The following TTC7A variants were observed in gnomAD, a reference collection of about 807,000 sequenced individuals.
The protein encoded by TTC7A is tetratricopeptide repeat protein 7A.
A neutral mutation model predicts 103.7 loss-of-function variants in TTC7A; 110 were observed. The ratio of observed to expected loss-of-function variants is 1.06; its 90% CI spans 0.91 to 1.24. TTC7A has a LOEUF of 1.24. TTC7A is among the 50% of genes most tolerant of loss of function. The pLI is 0.00. For missense variants in TTC7A, 1,340 were observed against 1,116.3 expected, an observed-to-expected ratio of 1.20 and a Z score of -2.86; for synonymous variants, 521 against 467.9, an observed-to-expected ratio of 1.11 and a Z score of -1.47.
At chr2:46,971,992 A>G (rs1572769246) in intron 3 of TTC7A, among the ~76,000 whole-genome samples, 4 of 151,490 alleles carry the variant, frequency 2.6e-5, no homozygotes, top group South Asian at 2.1e-4. Context: ...GGGAGGGAGG[A>G]AGGAAGGAAG....
chr2:47,039,558 T>A (rs1388842446), intron 15 of TTC7A, among the ~76,000 whole-genome samples: 1 of 152,274 alleles, frequency 6.6e-6, no homozygotes, highest in Non-Finnish European at 1.5e-5. Context: ...TAACTATTTT[T>A]TTTTAAGTTT....
chr2:46,985,010 G>A (rs1674866055), intron 5 of TTC7A, among the ~76,000 whole-genome samples: 1 of 152,142 alleles, frequency 6.6e-6, no homozygotes, highest in South Asian at 2.1e-4. Flanking sequence ...CTCCTTGCAG[G>A]TGGTCCCACC....
At chr2:47,050,150 C>A in intron 17 of TTC7A, 104 bp downstream of exon 17, 6 of 970,272 alleles carry the variant, frequency 6.2e-6, no homozygotes, top group Non-Finnish European at 9.6e-6. Context: ...CCCAGCCGGG[C>A]CAAGCCCACC....
At chr2:46,996,747 G>A (rs1197443199) in intron 8 of TTC7A, among the ~76,000 whole-genome samples, 1 of 152,208 alleles carries the variant, frequency 6.6e-6, no homozygotes, top group Non-Finnish European at 1.5e-5. Context: ...GAGATACAGG[G>A]ACCATGTGCC....
At chr2:47,072,130 G>A (rs1435765355) in intron 19 of TTC7A, among the ~76,000 whole-genome samples, 4 of 152,212 alleles carry the variant, frequency 2.6e-5, no homozygotes, top group African/African-American at 9.6e-5. Flanking sequence ...AGCTAGGCCT[G>A]GTGCCCTGCT....
chr2:46,990,229 G>C (rs1675489290), intron 5 of TTC7A, among the ~76,000 whole-genome samples: 1 of 152,270 alleles, frequency 6.6e-6, no homozygotes. Context: ...GCTGCAGTCT[G>C]TCTTTTTCCT....
In TTC7A at chr2:47,024,325, T is replaced by G. The variant is rs774241282; in HGVS notation, c.1607T>G (p.Leu536Arg). The G allele has an allele frequency of 6.2e-7, 1 of 1,609,298 alleles. No homozygotes were observed. Among genetic ancestry groups the G allele is most frequent in the Admixed American group, 1.7e-5 (1 of 59,566 alleles). Residue 536 changes from leucine (L) to arginine (R), a missense_variant, in exon 14 of 20, where the codon CTC becomes CGC. Physicochemically the swap from Leu to Arg is moderately radical, Grantham distance 102. Coordinates refer to ENST00000319190, the MANE Select transcript of TTC7A (RefSeq NM_020458.4). ...QLAPSDPQVI[L>R]YVSLQLALVR... ...GCGCCCAGTGACCCCCAGGTCATCC[T>G]CTATGTCTCGCTGCAGCTGGCCCTC...
intron 2 of TTC7A, among the ~76,000 whole-genome samples, chr2:46,921,842 G>A (rs2103805346): frequency 6.6e-6 from 1 of 152,218 alleles, no homozygotes; most frequent in South Asian, 2.1e-4. Flanking sequence ...TCGCGTTCCT[G>A]TGAGAATCTC....
rs1323254949 is a variant in TTC7A at position 47,007,541 on chromosome 2, CT to C, written c.1287+818del. ...GGGGCTGAGGGAATTCCTCGCCCCC[CT>C]GGCCCATCTGTGCCACGTTCCATTT... On this transcript the variant is annotated intron_variant, in intron 10 of 19. Transcript: ENST00000319190. This position sits in a 1 kb window ranked among gnomAD's most constrained non-coding sequence, Gnocchi z 4.9. 6.6e-6 allele frequency among the ~76,000 whole-genome samples: 1 copy of C among 152,190 alleles called. No individual in the cohort carries two copies. Among genetic ancestry groups the C allele is most frequent in the East Asian group, 1.9e-4 (1 of 5,194 alleles).
chr2:46,921,093 T>G (rs1669080904), intron 2 of TTC7A, among the ~76,000 whole-genome samples: 1 of 152,180 alleles, frequency 6.6e-6, no homozygotes, highest in African/African-American at 2.4e-5. Flanking sequence ...GCTTTTCCCT[T>G]AATATCAGGA....
At chr2:46,949,532 A>G (rs1253911560) in intron 1 of TTC7A, among the ~76,000 whole-genome samples, 1 of 152,158 alleles carries the variant, frequency 6.6e-6, no homozygotes, top group East Asian at 1.9e-4. Context: ...TGCGCTCACT[A>G]AACCAAGCAG....
chr2:46,971,637 T>C (rs1286461784), intron 3 of TTC7A, among the ~76,000 whole-genome samples: 3 of 151,224 alleles, frequency 2.0e-5, no homozygotes, highest in Non-Finnish European at 2.9e-5. Context: ...ACTCAGGAGA[T>C]AAAACCTGAA....
intron 19 of TTC7A, among the ~76,000 whole-genome samples, chr2:47,072,885 G>C (rs1558655598): frequency 6.6e-6 from 1 of 152,196 alleles, no homozygotes; most frequent in Non-Finnish European, 1.5e-5. Context: ...AGGATGTAGA[G>C]GGGACAAGGT....
chr2:46,935,769 G>A (rs372225221), intron 2 of TTC7A, among the ~76,000 whole-genome samples: 2 of 152,106 alleles, frequency 1.3e-5, no homozygotes, highest in Non-Finnish European at 1.5e-5. Context: ...TGCAAGTCTT[G>A]TATTGGACCC....
At chr2:46,967,409 C>G (rs1572753718) in intron 3 of TTC7A, among the ~76,000 whole-genome samples, 1 of 152,296 alleles carries the variant, frequency 6.6e-6, no homozygotes, top group South Asian at 2.1e-4. Context: ...CAGCAACGCC[C>G]CATTCCCTCC....
At chr2:46,973,889 A>T (rs1279160647) in intron 3 of TTC7A, among the ~76,000 whole-genome samples, 4 of 152,142 alleles carry the variant, frequency 2.6e-5, no homozygotes, top group Admixed American at 2.6e-4. Flanking sequence ...ATGTCGTGCC[A>T]GGGGGTGAAA....
At chr2:46,969,752 G>A (rs1673188873) in intron 3 of TTC7A, among the ~76,000 whole-genome samples, 1 of 152,132 alleles carries the variant, frequency 6.6e-6, no homozygotes, top group African/African-American at 2.4e-5. Flanking sequence ...ACTCCTTTGG[G>A]CTGTACACTT....
At chr2:46,950,314 A>G in intron 1 of TTC7A, 49 bp from the exon 2 acceptor site, 6 of 1,606,990 alleles carry the variant, frequency 3.7e-6, no homozygotes, top group Non-Finnish European at 5.1e-6. Flanking sequence ...TCCCTCCATT[A>G]TCCGCCTTGT....
At chr2:46,921,889 T>C (rs963911678) in intron 2 of TTC7A, among the ~76,000 whole-genome samples, 1 of 146,080 alleles carries the variant, frequency 6.8e-6, no homozygotes, top group East Asian at 2.0e-4. Context: ...ACAGGAGGCA[T>C]AGCTCAGGTT....
Sources: gnomAD v4.1 joint callset for allele counts (sites outside exome capture counted in the v4.1 genomes callset) on GRCh38, gnomAD v4.1.1 for gene constraint, Gnocchi (gnomAD v3.1) non-coding constraint, MANE v1.5 for transcripts, NCBI Gene and HGNC (gene_info 2026-07-23, HGNC 2026-07-21) for gene names.